SAMSN1: variants seen among roughly 807,000 people sequenced by gnomAD.
The protein encoded by SAMSN1 is SAM domain, SH3 domain and nuclear localization signals 1.
Under a neutral mutation model 42.0 loss-of-function variants are expected in SAMSN1, and 31 were observed. That is an observed-to-expected ratio of 0.74 (90% CI 0.55 to 1.00). The LOEUF (loss-of-function observed/expected upper bound fraction) is 1.00, where lower values mean the gene tolerates loss of function less well. Among genes scored for constraint, SAMSN1 ranks in the 50% least tolerant of loss-of-function variants. The pLI is 0.00. For missense variants in SAMSN1, 464 were observed against 439.4 expected (o/e 1.06, Z -0.50); for synonymous variants, 178 against 151.9 (o/e 1.17, Z -1.26).
At chr21:14,503,331 G>A (rs1262799569) in intron 5 of SAMSN1, among the ~76,000 whole-genome samples, 3 of 152,112 alleles carry the variant, frequency 2.0e-5, no homozygotes, top group African/African-American at 7.2e-5. Context: ...GTGGAATCTA[G>A]AGGCTTAGAA....
chr21:14,607,129 C>T (rs565620925), intron 5 of SAMSN1, among the ~76,000 whole-genome samples: 10 of 152,072 alleles, frequency 6.6e-5, no homozygotes, highest in Non-Finnish European at 1.3e-4. Flanking sequence ...TTTACAATTT[C>T]ATTAGTATCT....
intron 7 of SAMSN1, among the ~76,000 whole-genome samples, chr21:14,588,647 T>G (rs1487553333): frequency 6.6e-6 from 1 of 152,220 alleles, no homozygotes; most frequent in Non-Finnish European, 1.5e-5. Context: ...CTTCTTCAAC[T>G]CAGTGAAGGC....
intron 1 of SAMSN1, among the ~76,000 whole-genome samples, chr21:14,540,868 GACTTGGA>G (rs1234388422): frequency 6.6e-6 from 1 of 152,148 alleles, no homozygotes; most frequent in African/African-American, 2.4e-5. Flanking sequence ...CAATAGCAAA[GACTTGGA>G]ACCAACCCAA....
intron 2 of SAMSN1, among the ~76,000 whole-genome samples, chr21:14,622,389 A>G (rs1375218888): frequency 6.6e-6 from 1 of 152,238 alleles, no homozygotes; most frequent in Non-Finnish European, 1.5e-5. Flanking sequence ...GATTAGACGA[A>G]TGGCTAACTA....
chr21:14,563,186 T>C (rs755014308), intron 2 of SAMSN1, among the ~76,000 whole-genome samples: 15 of 152,100 alleles, frequency 9.9e-5, no homozygotes, highest in Non-Finnish European at 1.9e-4. Flanking sequence ...AGACACAACA[T>C]GTCTTTGCAT....
chr21:14,586,865 A>G (rs1215632099), upstream of SAMSN1, among the ~76,000 whole-genome samples: 3 of 152,238 alleles, frequency 2.0e-5, no homozygotes, highest in Admixed American at 6.5e-5. Flanking sequence ...CCAGGCAAGT[A>G]GCAGAGAGAA....
intron 1 of SAMSN1, among the ~76,000 whole-genome samples, chr21:14,535,069 G>A (rs578200465): frequency 6.6e-6 from 1 of 152,072 alleles, no homozygotes; most frequent in African/African-American, 2.4e-5. Context: ...GTATGAGAGT[G>A]GTCAGATCAT....
chr21:14,577,254 A>G lies in SAMSN1; in HGVS notation c.261+4882T>C, dbSNP rs1407874517. 8.6e-4 allele frequency among the ~76,000 whole-genome samples: 33 copies of G among 38,498 alleles called. 2 individuals carry two copies. Among genetic ancestry groups the G allele is most frequent in the African/African-American group, 1.6e-3 (9 of 5,648 alleles). 25.3% of individuals were successfully genotyped at this position (38,498 alleles called of 152,430 possible). A position where few individuals can be genotyped will look rare whatever the true frequency, so the allele number is the denominator to read the frequency against. On this transcript the variant is annotated intron_variant, in intron 2 of 8. Transcript: ENST00000285670. ...TATATGTGTGTATATATATATATAT[A>G]TATATATATATATATATATATATAT...
At chr21:14,590,830 T>C (rs1454893126) in intron 7 of SAMSN1, among the ~76,000 whole-genome samples, 1 of 152,190 alleles carries the variant, frequency 6.6e-6, no homozygotes. Flanking sequence ...TATATAAAAG[T>C]GACTAGTCTC....
At chr21:14,634,361 C>G (rs1381574359) in intron 2 of SAMSN1, among the ~76,000 whole-genome samples, 3 of 152,000 alleles carry the variant, frequency 2.0e-5, no homozygotes, top group Admixed American at 1.3e-4. Flanking sequence ...AAGAAACTAT[C>G]ATCAGAATGA....
intron 7 of SAMSN1, among the ~76,000 whole-genome samples, chr21:14,497,857 CA>C (rs1427554234): frequency 6.6e-6 from 1 of 152,136 alleles, no homozygotes; most frequent in Non-Finnish European, 1.5e-5. Context: ...TTGCTGTAGA[CA>C]ATATTCTGTA....
At chr21:14,583,742 A>C (rs1418097074), upstream of SAMSN1, 3 of 717,738 alleles carry the variant, frequency 4.2e-6, no homozygotes, top group African/African-American at 5.2e-5. Flanking sequence ...TAATGTCCCC[A>C]TTGATTCCAC....
At chr21:14,625,347 TG>T (rs751766025) in intron 2 of SAMSN1, among the ~76,000 whole-genome samples, 2 of 152,172 alleles carry the variant, frequency 1.3e-5, no homozygotes, top group African/African-American at 2.4e-5. Flanking sequence ...TGTCCCTGTT[TG>T]CAGATGACAT....
chr21:14,597,336 A>G (rs1982299884), intron 6 of SAMSN1, among the ~76,000 whole-genome samples: 1 of 152,144 alleles, frequency 6.6e-6, no homozygotes, highest in African/African-American at 2.4e-5. Context: ...TCTCCCAAAA[A>G]TTGTGTGCTA....
chr21:14,653,680 ATGCTTGCGGGAAT>A (rs1983870104), intron 1 of SAMSN1, among the ~76,000 whole-genome samples: 1 of 152,046 alleles, frequency 6.6e-6, no homozygotes, highest in Non-Finnish European at 1.5e-5. Context: ...CAAAGGATAA[ATGCTTGCGGGAAT>A]GGATACCCCA....
intron 1 of SAMSN1, among the ~76,000 whole-genome samples, chr21:14,540,162 C>A (rs1979914565): frequency 1.3e-5 from 2 of 152,136 alleles, no homozygotes; most frequent in African/African-American, 2.4e-5. Context: ...TAAAGACTTA[C>A]ATGTTAGACC....
Position 14,498,392 on chromosome 21 carries a change from T to C in SAMSN1, c.919+50A>G, listed in dbSNP as rs528807194. Reference sequence around the variant, plus strand: ...CTTTGTTTCTAATGATTATACTATTTACATTAAACTGATTATCAGCTGGGG... The same window carrying C: ...CTTTGTTTCTAATGATTATACTATTCACATTAAACTGATTATCAGCTGGGG... On this transcript the variant is annotated intron_variant, in intron 7 of 7. Coordinates refer to ENST00000400566, the MANE Select transcript of SAMSN1 (RefSeq NM_022136.5). 20 of 1,497,654 alleles carry C rather than the reference T, an allele frequency of 1.3e-5. No individual in the cohort carries two copies. The African/African-American group carries it at 1.6e-4, about 12-fold the overall frequency. 92.8% of individuals were successfully genotyped at this position (1,497,654 alleles called of 1,614,324 possible).
intron 5 of SAMSN1, among the ~76,000 whole-genome samples, chr21:14,505,777 C>A (rs563018579): frequency 4.6e-5 from 7 of 152,150 alleles, no homozygotes; most frequent in Admixed American, 1.3e-4. Context: ...AACATTCCAT[C>A]CAACAACCTC....
Position 14,485,500 on chromosome 21 carries a change from G to A in SAMSN1, c.*412C>T, listed in dbSNP as rs554952128. ...TATAAAAATGAATATAACATTGCTTGGACAACTTGTTTCAACAGCGAATCC... is the reference window on the plus strand; with the variant it reads ...TATAAAAATGAATATAACATTGCTTAGACAACTTGTTTCAACAGCGAATCC... On this transcript the variant is annotated 3_prime_UTR_variant, in exon 8 of 8. Transcript: ENST00000400566. The A allele has an allele frequency of 1.3e-5, 2 of 157,900 alleles. No individual in the cohort carries two copies. Among genetic ancestry groups the A allele is most frequent in the Non-Finnish European group, 2.8e-5 (2 of 71,532 alleles). The allele number at this position is 157,900 out of a possible 1,614,324, so 9.8% of individuals were successfully genotyped here.
Sources: gnomAD v4.1 joint callset for allele counts (sites outside exome capture counted in the v4.1 genomes callset) on GRCh38, gnomAD v4.1.1 for gene constraint, MANE v1.5 for transcripts, NCBI Gene and HGNC (gene_info 2026-07-23, HGNC 2026-07-21) for gene names.